Variants in ARID1B observed in about 807,000 individuals in gnomAD.
The protein encoded by ARID1B is AT-rich interactive domain-containing protein 1B.
ARID1B carries 30 observed loss-of-function variants against 212.3 expected under a neutral mutation model. The ratio of observed to expected loss-of-function variants is 0.14; its 90% CI spans 0.11 to 0.19. The LOEUF is 0.19. ARID1B is among the 10% of genes least tolerant of loss of function. ARID1B has a pLI of 1.00. For synonymous variants in ARID1B, 1,402 were observed against 1,301.7 expected (o/e 1.08, Z -1.66); for missense variants, 2,891 against 3,204.0 (o/e 0.90, Z 2.36).
At chr6:157,033,037 TACAA>T (rs1371319214) in intron 4 of ARID1B, among the ~76,000 whole-genome samples, 1 of 152,352 alleles carries the variant, frequency 6.6e-6, no homozygotes, top group South Asian at 2.1e-4. Context: ...TTTTCACTGT[TACAA>T]ACAACTCCAG....
At chr6:157,018,859 A>T (rs1174823680) in intron 4 of ARID1B, among the ~76,000 whole-genome samples, 1 of 151,174 alleles carries the variant, frequency 6.6e-6, no homozygotes, top group Non-Finnish European at 1.5e-5. Flanking sequence ...AGTCCAGTGC[A>T]GTAGTACATA....
intron 4 of ARID1B, among the ~76,000 whole-genome samples, chr6:156,959,154 A>G (rs1794179592): frequency 1.3e-5 from 2 of 152,166 alleles, no homozygotes; most frequent in African/African-American, 2.4e-5. Context: ...TTAATGGTTG[A>G]GCGTAGTATC....
chr6:156,841,008 A>G (rs577082780), intron 2 of ARID1B, among the ~76,000 whole-genome samples: 10 of 152,338 alleles, frequency 6.6e-5, no homozygotes, highest in African/African-American at 2.4e-4. Context: ...TACTGAAGAA[A>G]GTCCCCAAGT....
At chr6:156,942,553 T>C (rs1271199819) in intron 4 of ARID1B, 4 of 151,758 alleles carry the variant, frequency 2.6e-5, no homozygotes, top group African/African-American at 9.7e-5. Context: ...AGCTCCACAA[T>C]GGTGCAGAGG....
chr6:157,200,878 C>G lies in ARID1B; in HGVS notation c.4653C>G (p.Ser1551Arg). The G allele has an allele frequency of 6.2e-7, 1 of 1,613,998 alleles. No homozygotes were observed. The highest frequency in any genetic ancestry group is 8.5e-7 in the Non-Finnish European group (1 of 1,179,992). ...PIQGQYPYPYSRERMQGPGQI... is the reference protein window; with the variant it reads ...PIQGQYPYPYRRERMQGPGQI... ...AGGGCCAGTACCCGTATCCCTACAG[C>G]AGGGAGAGGATGCAGGGCCCGGGGC... Residue 1551 changes from serine (S) to arginine (R), a missense_variant, in exon 18 of 20, where the codon AGC (serine) becomes AGG (arginine). This residue lies in a region of ARID1B where 666 missense variants were observed against 873.5 expected (regional missense o/e 0.76). Transcript: ENST00000636930. The surrounding 1 kb of genome is among the most constrained non-coding windows in gnomAD (Gnocchi z 4.3).
intron 2 of ARID1B, among the ~76,000 whole-genome samples, chr6:156,883,126 G>T (rs184103926): frequency 1.3e-5 from 2 of 152,188 alleles, no homozygotes; most frequent in Non-Finnish European, 2.9e-5. Flanking sequence ...TCCCCATACC[G>T]ACAGCATCTT....
rs190415925 is a variant in ARID1B at position 156,883,673 on chromosome 6, C to T, written c.1987-17703C>T. Among the ~76,000 whole-genome samples, 112 of 152,286 alleles carry T rather than the reference C, an allele frequency of 7.4e-4. 1 individual carries two copies. The East Asian group carries it at 0.02, about 27-fold the overall frequency. ...TCACCTCGGGACTGTCACCTCGTCT[C>T]ACTCCAGCCCCATCTCTTCACCTTT... On this transcript the variant is annotated intron_variant, in intron 2 of 19. Transcript: ENST00000636930.
chr6:157,207,246 A>C lies in ARID1B; in HGVS notation c.6474A>C (p.Leu2158=). 6.2e-7 allele frequency: 1 copy of C among 1,614,182 alleles called. No homozygotes were observed. The highest frequency in any genetic ancestry group is 8.5e-7 in the Non-Finnish European group (1 of 1,180,030). Residue 2158 remains leucine (L), a synonymous_variant, in exon 20 of 20, where the codon CTA becomes CTC. Coordinates refer to ENST00000636930, the MANE Select transcript of ARID1B (RefSeq NM_001374828.1). The surrounding 1 kb of genome is among the most constrained non-coding windows in gnomAD (Gnocchi z 8.5). ...LVTLANISGQ[L]DLSAYTESIC... ...CGTTGGCCAACATTTCCGGGCAGCT[A>C]GACTTGTCTGCTTACACGGAAAGCA... is the stretch of plus-strand genomic sequence containing the variant.
chr6:156,998,958 A>C (rs1417646643), intron 4 of ARID1B, among the ~76,000 whole-genome samples: 2 of 152,244 alleles, frequency 1.3e-5, no homozygotes, highest in Admixed American at 6.5e-5. Context: ...ACACATTCCA[A>C]GTTAAATCAG....
At chr6:157,053,108 C>T (rs12190212) in intron 4 of ARID1B, among the ~76,000 whole-genome samples, 41,769 of 150,556 alleles carry the variant, frequency 0.28, 6,085 homozygotes, top group Non-Finnish European at 0.32. Flanking sequence ...GATTTAGGGA[C>T]GGAGTCTCAC....
At chr6:156,944,977 T>C (rs1406926856) in intron 4 of ARID1B, among the ~76,000 whole-genome samples, 4 of 149,526 alleles carry the variant, frequency 2.7e-5, no homozygotes, top group Admixed American at 1.3e-4. Flanking sequence ...GGCTGGAGTG[T>C]AGTGGCTCGA....
chr6:157,099,902 C>T (rs1047495855), intron 5 of ARID1B, among the ~76,000 whole-genome samples: 1 of 152,168 alleles, frequency 6.6e-6, no homozygotes, highest in African/African-American at 2.4e-5. Context: ...TTATTCCCTT[C>T]ATGGCTCGGG....
At chr6:156,827,553 C>T (rs1265790956) in intron 1 of ARID1B, among the ~76,000 whole-genome samples, 1 of 152,180 alleles carries the variant, frequency 6.6e-6, no homozygotes, top group African/African-American at 2.4e-5. Flanking sequence ...GCAGGGCTCA[C>T]CCATGTTCTG....
chr6:156,852,538 A>C (rs1321925081), intron 2 of ARID1B, among the ~76,000 whole-genome samples: 1 of 151,984 alleles, frequency 6.6e-6, no homozygotes, highest in Non-Finnish European at 1.5e-5. Context: ...TCATATGACT[A>C]TTCCAACCAG....
At chr6:156,784,189 T>C (rs139159595) in intron 1 of ARID1B, among the ~76,000 whole-genome samples, 243 of 152,170 alleles carry the variant, frequency 1.6e-3, no homozygotes, top group African/African-American at 5.5e-3. Context: ...CTTTCCTGAA[T>C]GGGAGGGAGG....
At chr6:156,968,424 C>G (rs772775717) in intron 4 of ARID1B, among the ~76,000 whole-genome samples, 1 of 152,158 alleles carries the variant, frequency 6.6e-6, no homozygotes. Flanking sequence ...TTCATTACCC[C>G]TTAGCAAGAA....
In ARID1B at chr6:156,840,791, G is replaced by A. The variant is rs569355366; in HGVS notation, c.1986+11370G>A. On this transcript the variant is annotated intron_variant, in intron 2 of 19. Coordinates refer to ENST00000636930, the MANE Select transcript of ARID1B (RefSeq NM_001374828.1). Reference sequence around the variant, plus strand: ...CTGTCTTGCTGTCTTGCTGTGTCATGTCCGGGGTCTGTGTTTCTTCCTCTC... The same window carrying A: ...CTGTCTTGCTGTCTTGCTGTGTCATATCCGGGGTCTGTGTTTCTTCCTCTC... 3.1e-5 allele frequency among the ~76,000 whole-genome samples: 4 copies of A among 129,688 alleles called. No homozygotes were observed. The East Asian group carries it at 8.9e-4, about 29-fold the overall frequency. 85.1% of individuals were successfully genotyped at this position (129,688 alleles called of 152,430 possible).
chr6:157,175,262 G>T (rs545993090), intron 11 of ARID1B: 1 of 216,966 alleles, frequency 4.6e-6, no homozygotes, highest in Non-Finnish European at 8.9e-6. Flanking sequence ...CAAAGCATGC[G>T]AGTGTGTTAA....
At chr6:157,110,121 C>T (rs1177095543) in intron 5 of ARID1B, among the ~76,000 whole-genome samples, 1 of 152,156 alleles carries the variant, frequency 6.6e-6, no homozygotes, top group African/African-American at 2.4e-5. Context: ...CACCTGGAGA[C>T]TCACGTAAGA....
Sources: allele counts gnomAD v4.1 joint callset (sites outside exome capture counted in the v4.1 genomes callset), GRCh38; gene constraint gnomAD v4.1.1; regional missense constraint gnomAD v4.1.1; non-coding constraint Gnocchi (gnomAD v3.1); transcripts MANE v1.5; gene names NCBI Gene and HGNC (gene_info 2026-07-23, HGNC 2026-07-21).